Variants in EVL observed in about 807,000 individuals in gnomAD.
EVL encodes the protein Enah/Vasp-like, also known as ena/VASP-like protein.
Under a neutral mutation model 59.6 loss-of-function variants are expected in EVL, and 21 were observed. That is an observed-to-expected ratio of 0.35 (90% CI 0.25 to 0.51). The LOEUF is 0.51. Among genes scored for constraint, EVL ranks in the 20% least tolerant of loss-of-function variants. EVL has a pLI of 0.97. For synonymous variants in EVL, 198 were observed against 203.5 expected (o/e 0.97, Z 0.23); for missense variants, 462 against 546.6 (o/e 0.85, Z 1.54).
chr14:99,972,906 AT>A lies in EVL; in HGVS notation c.5+850del. On this transcript the variant is annotated intron_variant, in intron 1 of 13. Transcript: ENST00000402714. This position sits in a 1 kb window ranked among gnomAD's most constrained non-coding sequence, Gnocchi z 4.4. The stretch of plus-strand genomic sequence containing the variant: ...TGCCTGTTTTGTATTATTTATGACA[AT>A]GAAATAATACAGTATTCTTTTGTGT... Among the ~76,000 whole-genome samples the A allele has an allele frequency of 6.6e-6, 1 of 152,110 alleles. No individual in the cohort carries two copies. Among genetic ancestry groups the A allele is most frequent in the African/African-American group, 2.4e-5 (1 of 41,406 alleles).
At chr14:99,984,081 G>A (rs1410710937) in intron 1 of EVL, among the ~76,000 whole-genome samples, 1 of 152,146 alleles carries the variant, frequency 6.6e-6, no homozygotes, top group Non-Finnish European at 1.5e-5. Context: ...GTTGATCGTG[G>A]CATTCATCCC....
chr14:100,076,909 C>T (rs1180721898), intron 1 of EVL, among the ~76,000 whole-genome samples: 2 of 152,196 alleles, frequency 1.3e-5, no homozygotes, highest in Non-Finnish European at 2.9e-5. Context: ...CACATGGGGT[C>T]AGGTGCTGCT....
intron 1 of EVL, among the ~76,000 whole-genome samples, chr14:100,048,883 C>G (rs2061600619): frequency 6.6e-6 from 1 of 152,106 alleles, no homozygotes; most frequent in South Asian, 2.1e-4. Flanking sequence ...TGACATTTTC[C>G]TAAAGACAAA....
At chr14:100,068,861 G>A (rs2061991669) in intron 1 of EVL, among the ~76,000 whole-genome samples, 1 of 152,154 alleles carries the variant, frequency 6.6e-6, no homozygotes, top group Non-Finnish European at 1.5e-5. Flanking sequence ...AAGTAGCTGA[G>A]GTCGCGGTGC....
chr14:100,137,826 C>T (rs1888906289), intron 11 of EVL, 24 bp downstream of exon 11: 1 of 1,612,418 alleles, frequency 6.2e-7, no homozygotes, highest in African/African-American at 1.3e-5. Flanking sequence ...CTCCTGCTCA[C>T]ATGTCCCCCA....
chr14:100,022,202 TAGGCCTCG>T (rs1189449530), intron 1 of EVL, among the ~76,000 whole-genome samples: 1 of 151,724 alleles, frequency 6.6e-6, no homozygotes, highest in East Asian at 1.9e-4. Context: ...CACGTGCCTG[TAGGCCTCG>T]TTTGTGGACA....
At chr14:100,106,580 C>T (rs568988796) in intron 3 of EVL, 100 of 336,096 alleles carry the variant, frequency 3.0e-4, no homozygotes, top group Non-Finnish European at 4.5e-4. Flanking sequence ...TTTTCTCTCT[C>T]CTTTGCAGTA....
intron 8 of EVL, among the ~76,000 whole-genome samples, chr14:100,134,182 T>C (rs1309925454): frequency 6.6e-6 from 1 of 152,246 alleles, no homozygotes; most frequent in African/African-American, 2.4e-5. Flanking sequence ...TGACTTGCCA[T>C]GAATTTCTGA....
At chr14:100,059,750 G>C (rs1451185842) in intron 1 of EVL, among the ~76,000 whole-genome samples, 1 of 151,368 alleles carries the variant, frequency 6.6e-6, no homozygotes, top group East Asian at 2.0e-4. Flanking sequence ...AGAGGAGGGG[G>C]ATACCCTAGG....
intron 1 of EVL, among the ~76,000 whole-genome samples, chr14:100,024,911 C>T (rs1210649167): frequency 2.6e-5 from 4 of 151,978 alleles, no homozygotes; most frequent in Non-Finnish European, 4.4e-5. Context: ...CATTCTTGAC[C>T]CCTTTCTCCT....
intron 1 of EVL, among the ~76,000 whole-genome samples, chr14:100,066,132 G>C (rs1344103846): frequency 6.6e-6 from 1 of 152,216 alleles, no homozygotes; most frequent in African/African-American, 2.4e-5. Context: ...AACTCTGAAA[G>C]ATTATAGATG....
chr14:100,092,757 A>G (rs983275373), intron 2 of EVL, among the ~76,000 whole-genome samples: 2 of 152,124 alleles, frequency 1.3e-5, no homozygotes, highest in African/African-American at 4.8e-5. Context: ...CAAACAAACA[A>G]AAAGAATGAA....
Position 100,141,100 on chromosome 14 carries a change from C to A in EVL, c.1095-80C>A, listed in dbSNP as rs951242555. 2.8e-6 allele frequency: 4 copies of A among 1,442,168 alleles called. No individual in the cohort carries two copies. The Admixed American group carries it at 5.5e-5, about 20-fold the overall frequency. 89.3% of individuals were successfully genotyped at this position (1,442,168 alleles called of 1,614,324 possible). On this transcript the variant is annotated intron_variant, in intron 11 of 13. Coordinates refer to ENST00000392920, the MANE Select transcript of EVL (RefSeq NM_016337.3). ...GAGCGAGGGGAGCAGGTGGGCCCAG[C>A]CTGAGCGGGGCCTCTGCACAGCCAG...
chr14:100,034,753 C>T (rs547294985), intron 1 of EVL, among the ~76,000 whole-genome samples: 7 of 151,976 alleles, frequency 4.6e-5, no homozygotes, highest in East Asian at 1.9e-4. Flanking sequence ...AAAAAAAATG[C>T]GTAAGATAAA....
intron 7 of EVL, 151 bp downstream of exon 7, chr14:100,129,835 T>TGGGAAGGGAAAA: frequency 8.3e-7 from 1 of 1,210,206 alleles, no homozygotes; most frequent in Non-Finnish European, 1.1e-6. Context: ...AGTTTTCCCT[T>TGGGAAGGGAAAA]CCCAAGGGGT....
intron 1 of EVL, among the ~76,000 whole-genome samples, chr14:100,077,779 T>C (rs1267737433): frequency 2.0e-5 from 3 of 152,102 alleles, no homozygotes; most frequent in African/African-American, 7.2e-5. Context: ...TTTTGTTTGT[T>C]TTTGTTTTTT....
chr14:100,003,868 GCA>G (rs1258848022), intron 1 of EVL, among the ~76,000 whole-genome samples: 2 of 152,168 alleles, frequency 1.3e-5, no homozygotes, highest in Non-Finnish European at 2.9e-5. Flanking sequence ...CTTCTGCAGT[GCA>G]CAGATTATAT....
intron 1 of EVL, among the ~76,000 whole-genome samples, chr14:100,080,405 G>A (rs1250794194): frequency 6.6e-6 from 1 of 152,174 alleles, no homozygotes; most frequent in Non-Finnish European, 1.5e-5. Context: ...GCTGTGCCCT[G>A]CCCCATGCTG....
chr14:100,066,792 C>T lies in EVL; in HGVS notation c.11+1281C>T, dbSNP rs146275110. 7.2e-5 allele frequency among the ~76,000 whole-genome samples: 11 copies of T among 152,274 alleles called. No homozygotes were observed. The East Asian group carries it at 1.2e-3, about 16-fold the overall frequency. ...GCAATTTCTTTTTCAATTTTAAAAT[C>T]GTAGAAATCCTAGAAATTTCCATCT... On this transcript the variant is annotated intron_variant, in intron 1 of 13. Coordinates refer to ENST00000392920, the MANE Select transcript of EVL (RefSeq NM_016337.3).
Sources: allele counts gnomAD v4.1 joint callset (sites outside exome capture counted in the v4.1 genomes callset), GRCh38; gene constraint gnomAD v4.1.1; non-coding constraint Gnocchi (gnomAD v3.1); transcripts MANE v1.5; gene names NCBI Gene and HGNC (gene_info 2026-07-23, HGNC 2026-07-21).